The following GRM7 variants were observed in gnomAD, a reference collection of about 807,000 sequenced individuals.
The protein encoded by GRM7 is metabotropic glutamate receptor 7.
Under a neutral mutation model 84.5 loss-of-function variants are expected in GRM7, and 35 were observed. The ratio of observed to expected loss-of-function variants is 0.41; its 90% CI spans 0.32 to 0.55. GRM7 has a LOEUF of 0.55. GRM7 is among the 20% of genes least tolerant of loss of function. The pLI, the probability that GRM7 is intolerant of heterozygous loss-of-function variation, is 0.19. For synonymous variants in GRM7, 487 were observed against 455.1 expected (o/e 1.07, Z -0.89); for missense variants, 1,003 against 1,194.6 (o/e 0.84, Z 2.36).
At chr3:7,344,849 T>C (rs1291259949) in intron 4 of GRM7, among the ~76,000 whole-genome samples, 1 of 152,132 alleles carries the variant, frequency 6.6e-6, no homozygotes, top group Non-Finnish European at 1.5e-5. Flanking sequence ...AGTTCTGGTG[T>C]TCTGTTGCAC....
chr3:7,240,286 G>T (rs1697508775), intron 2 of GRM7, among the ~76,000 whole-genome samples: 1 of 151,520 alleles, frequency 6.6e-6, no homozygotes, highest in Admixed American at 6.6e-5. Context: ...TAAGTACAGG[G>T]CTTGCATGGA....
intron 2 of GRM7, among the ~76,000 whole-genome samples, chr3:7,289,039 G>T (rs1699528618): frequency 6.6e-6 from 1 of 152,126 alleles, no homozygotes; most frequent in South Asian, 2.1e-4. Flanking sequence ...ACCGTCACTT[G>T]TAAATACCTG....
chr3:6,909,641 A>T (rs1388657201), intron 1 of GRM7, among the ~76,000 whole-genome samples: 8 of 152,108 alleles, frequency 5.3e-5, no homozygotes. Context: ...AAATGATTTA[A>T]GTCAGGGAAA....
At chr3:7,525,202 A>G (rs901033698) in intron 7 of GRM7, among the ~76,000 whole-genome samples, 1 of 151,998 alleles carries the variant, frequency 6.6e-6, no homozygotes, top group Admixed American at 6.6e-5. Flanking sequence ...CCAGCATGGC[A>G]CATGTATACA....
chr3:7,381,497 A>T (rs952768214), intron 4 of GRM7, among the ~76,000 whole-genome samples: 8 of 152,154 alleles, frequency 5.3e-5, no homozygotes, highest in African/African-American at 1.9e-4. Context: ...AAACATTTAT[A>T]CTAAGGTGTA....
chr3:7,180,525 G>C (rs540734682), intron 2 of GRM7, among the ~76,000 whole-genome samples: 1 of 151,980 alleles, frequency 6.6e-6, no homozygotes, highest in South Asian at 2.1e-4. Flanking sequence ...ACCTTCAATG[G>C]GTATAATTTG....
chr3:7,503,383 C>T (rs980258308), intron 7 of GRM7, among the ~76,000 whole-genome samples: 24 of 150,522 alleles, frequency 1.6e-4, no homozygotes, highest in South Asian at 8.5e-4. Flanking sequence ...AAAATGTGCA[C>T]GCACATGCAC....
At chr3:7,311,675 C>T (rs1480178336) in intron 4 of GRM7, among the ~76,000 whole-genome samples, 1 of 151,130 alleles carries the variant, frequency 6.6e-6, no homozygotes, top group African/African-American at 2.4e-5. Context: ...CTTACTGCAA[C>T]CTCTGCCTCC....
chr3:7,297,590 G>A (rs1575134545), intron 2 of GRM7, among the ~76,000 whole-genome samples: 1 of 152,040 alleles, frequency 6.6e-6, no homozygotes, highest in Admixed American at 6.6e-5. Flanking sequence ...ACACTAATTG[G>A]GATTCCAGTG....
chr3:7,636,636 T>G (rs949504888), intron 8 of GRM7, among the ~76,000 whole-genome samples: 2 of 152,234 alleles, frequency 1.3e-5, no homozygotes, highest in Non-Finnish European at 2.9e-5. Context: ...AATGTTCAGA[T>G]GCTTTAGAGA....
intron 2 of GRM7, among the ~76,000 whole-genome samples, chr3:7,183,586 C>CA (rs1695417444): frequency 6.6e-6 from 1 of 151,998 alleles, no homozygotes. Flanking sequence ...AAGATCACGC[C>CA]ACTGCACTCC....
chr3:7,469,149 T>C (rs114632151), intron 7 of GRM7, among the ~76,000 whole-genome samples: 78 of 152,342 alleles, frequency 5.1e-4, no homozygotes, highest in African/African-American at 1.8e-3. Flanking sequence ...GGACAGGGAC[T>C]AGGTCATTGT....
At chr3:7,730,728 T>C (rs1702298283) in intron 9 of GRM7, among the ~76,000 whole-genome samples, 1 of 152,224 alleles carries the variant, frequency 6.6e-6, no homozygotes, top group African/African-American at 2.4e-5. Flanking sequence ...AACATTAGCC[T>C]TAAGACAGAC....
intron 8 of GRM7, among the ~76,000 whole-genome samples, chr3:7,624,194 G>A (rs888724483): frequency 1.3e-5 from 2 of 152,146 alleles, no homozygotes; most frequent in Non-Finnish European, 2.9e-5. Context: ...TGATGTAGAA[G>A]GTAAGCTGAT....
chr3:7,273,694 G>T (rs928194703), intron 2 of GRM7, among the ~76,000 whole-genome samples: 2 of 151,942 alleles, frequency 1.3e-5, no homozygotes, highest in African/African-American at 2.4e-5. Context: ...ATTAGTGTTA[G>T]TATGGTATAT....
chr3:7,122,508 G>A lies in GRM7; in HGVS notation c.520-23944G>A, dbSNP rs184828189. 3.9e-5 allele frequency among the ~76,000 whole-genome samples: 6 copies of A among 152,144 alleles called. No homozygotes were observed. The East Asian group carries it at 1.2e-3, about 29-fold the overall frequency. On this transcript the variant is annotated intron_variant, in intron 1 of 9. Coordinates refer to ENST00000357716, the MANE Select transcript of GRM7 (RefSeq NM_000844.4). ...AATTAATTAAAATATTTTTATCTGT[G>A]TTTTAATATGATTAGCTCTTCAAAT...
chr3:7,726,820 T>A (rs1157507695), intron 9 of GRM7, among the ~76,000 whole-genome samples: 1 of 150,952 alleles, frequency 6.6e-6, no homozygotes, highest in Non-Finnish European at 1.5e-5. Context: ...TATTATTATT[T>A]ACTATAAAGT....
intron 2 of GRM7, among the ~76,000 whole-genome samples, chr3:7,175,685 G>C (rs1433865908): frequency 1.3e-5 from 2 of 152,014 alleles, no homozygotes; most frequent in African/African-American, 4.8e-5. Context: ...CTACAGGCAG[G>C]TGCCATCACT....
At chr3:7,279,344 A>G (rs181460854) in intron 2 of GRM7, among the ~76,000 whole-genome samples, 1 of 152,290 alleles carries the variant, frequency 6.6e-6, no homozygotes, top group East Asian at 1.9e-4. Context: ...CCATAATTCC[A>G]AATATAGAAA....
Sources: gnomAD v4.1 joint callset for allele counts (sites outside exome capture counted in the v4.1 genomes callset) on GRCh38, gnomAD v4.1.1 for gene constraint, MANE v1.5 for transcripts, NCBI Gene and HGNC (gene_info 2026-07-23, HGNC 2026-07-21) for gene names.